Variants in TMEM63C observed in about 807,000 individuals in gnomAD.
TMEM63C encodes osmosensitive cation channel TMEM63C.
Under a neutral mutation model 99.2 loss-of-function variants are expected in TMEM63C, and 32 were observed. The ratio of observed to expected loss-of-function variants is 0.32; its 90% CI spans 0.24 to 0.43. The LOEUF is 0.43. Ranked by LOEUF, TMEM63C falls within the 20% of genes least tolerant of loss-of-function variation. TMEM63C has a pLI of 1.00. For missense variants in TMEM63C, 826 were observed against 1,053.0 expected (o/e 0.78, Z 2.98); for synonymous variants, 376 against 397.9 (o/e 0.94, Z 0.66).
In TMEM63C at chr14:77,236,675, C is replaced by A; in HGVS notation, c.594C>A (p.Thr198=). 1 of 1,612,912 alleles carries A rather than the reference C, an allele frequency of 6.2e-7. No homozygotes were observed. The highest frequency in any genetic ancestry group is 8.5e-7 in the Non-Finnish European group (1 of 1,179,392). Residue 198 remains threonine (T), a synonymous_variant, in exon 9 of 24, where the codon ACC becomes ACA. Transcript: ENST00000298351. ...HSLLSFFYFI[T]NFMFMAHHCL... ...TGCTGTCCTTCTTCTACTTCATCAC[C>A]AACTTCATGTTCATGGCTCATCACT...
chr14:77,256,841 C>G lies in TMEM63C; in HGVS notation c.*115C>G. 1 of 1,005,410 alleles carries G rather than the reference C, an allele frequency of 9.9e-7. No homozygotes were observed. The highest frequency in any genetic ancestry group is 1.4e-6 in the Non-Finnish European group (1 of 690,426). 62.3% of individuals were successfully genotyped at this position (1,005,410 alleles called of 1,614,324 possible). ...CTACCTCCTGCAGACTTTGAGAAGC[C>G]CACAGTGGAGACATCCACCACCCCA... On this transcript the variant is annotated 3_prime_UTR_variant, in exon 24 of 24. Transcript: ENST00000298351.
At position 77,225,420 on chromosome 14, in the gene TMEM63C, G is replaced by T; in HGVS notation, c.313-4G>T. 1.2e-6 allele frequency: 2 copies of T among 1,612,648 alleles called. No individual in the cohort carries two copies. Among genetic ancestry groups the T allele is most frequent in the Non-Finnish European group, 1.7e-6 (2 of 1,179,406 alleles). On this transcript the variant is annotated splice_polypyrimidine_tract_variant and splice_region_variant and intron_variant, in intron 5 of 23. Transcript: ENST00000298351. ...TTCTCACAGTTTCTCTCCTTTCCCC[G>T]CAGGGATTCTGTTCCTGGTTCTTCA... is the stretch of plus-strand genomic sequence containing the variant.
At chr14:77,242,298 T>TTC in intron 13 of TMEM63C, 49 bp from the exon 14 acceptor site, 1 of 1,416,892 alleles carries the variant, frequency 7.1e-7, no homozygotes, top group Non-Finnish European at 9.8e-7. Context: ...CCTAAGCCCA[T>TTC]CCCCCCACCC....
chr14:77,240,547 G>A lies in TMEM63C; in HGVS notation c.1003G>A (p.Val335Met), dbSNP rs769038998. 8.7e-6 allele frequency: 14 copies of A among 1,611,856 alleles called. No individual in the cohort carries two copies. The highest frequency in any genetic ancestry group is 4.0e-5 in the African/African-American group (3 of 74,940). The change falls in exon 13 of 24, where the codon GTG becomes ATG. Residue 335 changes from valine (V) to methionine (M), a missense_variant. Transcript: ENST00000298351. The stretch of plus-strand genomic sequence containing the variant: ...CGAGTTCAACGCCGAGCTCAACCGC[G>A]TGCCGCTCAAGCGGCTGGACCTGAT... ...TDEFNAELNR[V>M]PLKRLDLIFV... is the part of the protein sequence containing the mutation.
rs373396890 is a variant in TMEM63C at position 77,239,433 on chromosome 14, C to T, written c.747C>T (p.Val249=). 6 of 1,613,512 alleles carry T rather than the reference C, an allele frequency of 3.7e-6. 1 individual carries two copies. The highest frequency in any genetic ancestry group is 2.2e-5 in the East Asian group (1 of 44,882). ...KHFHEAYPGS[V]VTRVHFCYDV... is the part of the protein sequence containing the mutation. ...GCAGCGAGGCCTATCCAGGCAGTGT[C>T]GTGACAAGAGTCCACTTCTGCTACG... Residue 249 remains valine, a synonymous_variant, in exon 11 of 24, where the codon GTC becomes GTT. Coordinates refer to ENST00000298351, the MANE Select transcript of TMEM63C (RefSeq NM_020431.4).
chr14:77,208,831 C>T (rs1323511286), intron 1 of TMEM63C, among the ~76,000 whole-genome samples: 1 of 152,238 alleles, frequency 6.6e-6, no homozygotes, highest in African/African-American at 2.4e-5. Flanking sequence ...TGCCCACGAG[C>T]CCTGGCAGAG....
intron 1 of TMEM63C, among the ~76,000 whole-genome samples, chr14:77,195,167 A>G (rs1287062342): frequency 2.0e-5 from 3 of 152,192 alleles, no homozygotes; most frequent in Non-Finnish European, 4.4e-5. Flanking sequence ...CCTCACCCTG[A>G]ACTTTGTTTT....
intron 13 of TMEM63C, among the ~76,000 whole-genome samples, chr14:77,241,039 C>T (rs1286388925): frequency 5.9e-5 from 9 of 151,752 alleles, no homozygotes; most frequent in African/African-American, 1.7e-4. Context: ...CGACCTCTGC[C>T]TCCCAGGTTC....
chr14:77,229,613 AATATAT>A (rs149146698), intron 6 of TMEM63C, among the ~76,000 whole-genome samples: 3 of 117,936 alleles, frequency 2.5e-5, no homozygotes, highest in Non-Finnish European at 3.7e-5. Context: ...ACACCCAGCT[AATATAT>A]ATATATATAT....
At chr14:77,232,351 G>A (rs428601) in intron 7 of TMEM63C, among the ~76,000 whole-genome samples, 9,805 of 152,104 alleles carry the variant, frequency 0.064, 409 homozygotes, top group Admixed American at 0.1. Flanking sequence ...GCAATGGCGC[G>A]ATCTCAGCTC....
At chr14:77,213,010 T>C (rs1296068316) in intron 1 of TMEM63C, among the ~76,000 whole-genome samples, 2 of 152,158 alleles carry the variant, frequency 1.3e-5, no homozygotes, top group Non-Finnish European at 2.9e-5. Context: ...CCAGGGGAAA[T>C]AGATACTCAA....
intron 1 of TMEM63C, among the ~76,000 whole-genome samples, chr14:77,211,904 C>T (rs1032656808): frequency 6.6e-6 from 1 of 152,220 alleles, no homozygotes; most frequent in African/African-American, 2.4e-5. Flanking sequence ...CACTGCCCCT[C>T]CTTGGCCCAC....
In TMEM63C at chr14:77,238,752, T is replaced by C. The variant is rs764622787; in HGVS notation, c.710T>C (p.Ile237Thr). 10 of 1,613,852 alleles carry C rather than the reference T, an allele frequency of 6.2e-6. No homozygotes were observed. The highest frequency in any genetic ancestry group is 8.5e-6 in the Non-Finnish European group (10 of 1,179,758). ...AAGGACATTGAAGACCCAGAACTCA[T>C]CATTAAGCATTTTCAGTAAGTGGGT... is the stretch of plus-strand genomic sequence containing the variant. ...VPKDIEDPEL[I>T]IKHFHEAYPG... is the part of the protein sequence containing the mutation. Residue 237 changes from isoleucine to threonine, a missense_variant, in exon 10 of 24, where the codon ATC (isoleucine) becomes ACC (threonine). By Grantham distance (89) the Ile-to-Thr change is moderately conservative. Coordinates refer to ENST00000298351, the MANE Select transcript of TMEM63C (RefSeq NM_020431.4).
intron 1 of TMEM63C, among the ~76,000 whole-genome samples, chr14:77,182,214 G>C (rs1356096436): frequency 6.6e-6 from 1 of 152,058 alleles, no homozygotes; most frequent in Admixed American, 6.5e-5. Context: ...CCGGCCTCCT[G>C]CCTGACAGCC....
chr14:77,193,628 A>G (rs1888147551), intron 1 of TMEM63C, among the ~76,000 whole-genome samples: 1 of 152,082 alleles, frequency 6.6e-6, no homozygotes, highest in South Asian at 2.1e-4. Context: ...TGAGGTTGGG[A>G]GTTTGAGAGC....
At chr14:77,242,167 A>G (rs995188397) in intron 13 of TMEM63C, among the ~76,000 whole-genome samples, 180 bp from the exon 14 acceptor site, 1 of 152,184 alleles carries the variant, frequency 6.6e-6, no homozygotes, top group Non-Finnish European at 1.5e-5. Context: ...ACTGGGCCTT[A>G]GGAACTGTCC....
rs767892007 is a variant in TMEM63C at position 77,242,387 on chromosome 14, C to T, written c.1105C>T (p.Pro369Ser). Residue 369 changes from proline to serine, a missense_variant, in exon 14 of 24, where the codon CCC becomes TCC. Transcript: ENST00000298351. Reference sequence around the variant, plus strand: ...CAAGTATGTCCAGTGTGGTGTGCAACCCCAGCAGTCCTCAGTGACCACCAT... The same window carrying T: ...CAAGTATGTCCAGTGTGGTGTGCAATCCCAGCAGTCCTCAGTGACCACCAT... ...DYKYVQCGVQ[P>S]QQSSVTTIVK... is the part of the protein sequence containing the mutation. The T allele has an allele frequency of 1.2e-6, 2 of 1,613,346 alleles. No homozygotes were observed. Among genetic ancestry groups the T allele is most frequent in the Non-Finnish European group, 8.5e-7 (1 of 1,179,686 alleles).
intron 18 of TMEM63C, among the ~76,000 whole-genome samples, chr14:77,247,964 T>C (rs534868945): frequency 6.6e-6 from 1 of 152,192 alleles, no homozygotes; most frequent in African/African-American, 2.4e-5. Context: ...TTAGTGAAAA[T>C]AAAGATGTTA....
intron 1 of TMEM63C, among the ~76,000 whole-genome samples, chr14:77,207,245 A>G (rs930957959): frequency 6.6e-6 from 1 of 152,258 alleles, no homozygotes; most frequent in African/African-American, 2.4e-5. Context: ...GGGGAAGCCA[A>G]CACACTCAGC....
Sources: gnomAD v4.1 joint callset for allele counts (sites outside exome capture counted in the v4.1 genomes callset) on GRCh38, gnomAD v4.1.1 for gene constraint, MANE v1.5 for transcripts, NCBI Gene and HGNC (gene_info 2026-07-23, HGNC 2026-07-21) for gene names.